Variants in DEPDC5 observed in about 807,000 individuals in gnomAD.
DEPDC5 encodes the protein GATOR1 complex protein DEPDC5.
Under a neutral mutation model 217.3 loss-of-function variants are expected in DEPDC5, and 73 were observed. The observed-to-expected ratio is 0.34, with a 90% CI of 0.28 to 0.41. DEPDC5 has a LOEUF of 0.41. Among genes scored for constraint, DEPDC5 ranks in the 10% least tolerant of loss-of-function variants. The pLI is 1.00. For missense variants in DEPDC5, 1,675 were observed against 2,070.1 expected (o/e 0.81, Z 3.70); for synonymous variants, 733 against 756.7 (o/e 0.97, Z 0.51).
intron 18 of DEPDC5, among the ~76,000 whole-genome samples, chr22:31,808,205 C>T (rs552633511): frequency 1.3e-5 from 2 of 151,516 alleles, no homozygotes; most frequent in Non-Finnish European, 2.9e-5. Flanking sequence ...AATCAGTTTT[C>T]GTGCCCCAGC....
intron 8 of DEPDC5, among the ~76,000 whole-genome samples, chr22:31,781,070 A>G (rs993574622): frequency 1.3e-5 from 2 of 151,704 alleles, no homozygotes; most frequent in African/African-American, 4.8e-5. Context: ...TACAAAATTA[A>G]CTGGGCTTGG....
chr22:31,772,017 T>C (rs968696995), intron 7 of DEPDC5, among the ~76,000 whole-genome samples: 3 of 151,938 alleles, frequency 2.0e-5, no homozygotes, highest in Admixed American at 2.0e-4. Context: ...TAGTGAGCCT[T>C]GATCATTCTG....
intron 16 of DEPDC5, 106 bp downstream of exon 16, chr22:31,804,329 G>T (rs2087234196): frequency 9.2e-7 from 1 of 1,084,564 alleles, no homozygotes; most frequent in Admixed American, 2.0e-5. Context: ...TTACTCGAGA[G>T]GCTGAAGTGG....
chr22:31,786,593 C>T (rs1438999544), intron 10 of DEPDC5, among the ~76,000 whole-genome samples: 2 of 151,506 alleles, frequency 1.3e-5, no homozygotes, highest in Non-Finnish European at 2.9e-5. Context: ...GTTCAAACAA[C>T]CTAAAAAAAA....
intron 3 of DEPDC5, among the ~76,000 whole-genome samples, chr22:31,759,292 T>G (rs1331065184): frequency 6.6e-6 from 1 of 152,000 alleles, no homozygotes; most frequent in Non-Finnish European, 1.5e-5. Context: ...TTGTCTCAAG[T>G]CATCCATCCT....
intron 34 of DEPDC5, among the ~76,000 whole-genome samples, 174 bp downstream of exon 34, chr22:31,870,918 T>C (rs1010197638): frequency 2.0e-5 from 3 of 152,226 alleles, no homozygotes; most frequent in African/African-American, 7.2e-5. Context: ...ACTAATGATC[T>C]GTTTCCTGCC....
chr22:31,829,950 T>C (rs2090463631), intron 24 of DEPDC5, among the ~76,000 whole-genome samples: 1 of 152,254 alleles, frequency 6.6e-6, no homozygotes, highest in Non-Finnish European at 1.5e-5. Context: ...GTTTTCTTTC[T>C]CTTTAGTGTT....
intron 6 of DEPDC5, 105 bp downstream of exon 6, chr22:31,766,773 C>G: frequency 1.1e-6 from 1 of 921,452 alleles, no homozygotes; most frequent in South Asian, 1.5e-5. Context: ...TTTATATCAG[C>G]ATCTACAGAC....
intron 5 of DEPDC5, among the ~76,000 whole-genome samples, chr22:31,766,321 G>A (rs563534443): frequency 7.0e-4 from 106 of 152,222 alleles, no homozygotes; most frequent in Non-Finnish European, 1.2e-3. Flanking sequence ...CCAGAATCCA[G>A]ACTAAAATAC....
At chr22:31,835,706 A>G (rs192840241) in intron 25 of DEPDC5, among the ~76,000 whole-genome samples, 1 of 152,340 alleles carries the variant, frequency 6.6e-6, no homozygotes, top group African/African-American at 2.4e-5. Flanking sequence ...CGGCTGCCAT[A>G]TAGAAAAATG....
chr22:31,843,877 A>C, intron 29 of DEPDC5, 65 bp downstream of exon 29: 1 of 1,474,542 alleles, frequency 6.8e-7, no homozygotes, highest in Non-Finnish European at 9.2e-7. Context: ...TGTGTATTTT[A>C]ACACTTTCTG....
chr22:31,825,623 T>C (rs921616341), intron 24 of DEPDC5, among the ~76,000 whole-genome samples: 5 of 152,190 alleles, frequency 3.3e-5, no homozygotes, highest in Admixed American at 6.5e-5. Context: ...CCGTTCTCAC[T>C]GCATTGTTCA....
At chr22:31,808,645 A>T (rs1449726398) in intron 18 of DEPDC5, among the ~76,000 whole-genome samples, 3 of 151,648 alleles carry the variant, frequency 2.0e-5, no homozygotes, top group Non-Finnish European at 4.4e-5. Flanking sequence ...CATGTTGGCC[A>T]GGCTGGTCTT....
chr22:31,779,903 G>A (rs927387964), intron 8 of DEPDC5, among the ~76,000 whole-genome samples: 10 of 152,080 alleles, frequency 6.6e-5, no homozygotes, highest in Non-Finnish European at 1.3e-4. Context: ...AGACAAGAGA[G>A]GTGTACCTTC....
chr22:31,848,265 G>T (rs1422136089), intron 31 of DEPDC5, among the ~76,000 whole-genome samples: 1 of 152,172 alleles, frequency 6.6e-6, no homozygotes, highest in African/African-American at 2.4e-5. Context: ...CCATTCTGGG[G>T]TCTGGTGGAT....
chr22:31,796,908 G>T (rs1228963075), intron 12 of DEPDC5, among the ~76,000 whole-genome samples: 1 of 151,852 alleles, frequency 6.6e-6, no homozygotes, highest in Non-Finnish European at 1.5e-5. Flanking sequence ...TGTTGGCCAG[G>T]CTGGTCTTGA....
intron 33 of DEPDC5, among the ~76,000 whole-genome samples, chr22:31,867,308 A>G (rs768032620): frequency 6.6e-6 from 1 of 152,224 alleles, no homozygotes; most frequent in Non-Finnish European, 1.5e-5. Flanking sequence ...ATAAGACAGG[A>G]TGTAATATAA....
intron 21 of DEPDC5, chr22:31,815,969 A>G (rs1280501135): frequency 2.0e-6 from 2 of 990,360 alleles, no homozygotes; most frequent in African/African-American, 3.5e-5. Flanking sequence ...TTTGTGCCAT[A>G]TATAAAACAA....
chr22:31,795,165 A>G lies in DEPDC5; in HGVS notation c.767+2348A>G, dbSNP rs541643974. Among the ~76,000 whole-genome samples, 9 of 142,288 alleles carry G rather than the reference A, an allele frequency of 6.3e-5. No homozygotes were observed. In the East Asian group the frequency reaches 1.9e-3, roughly 30 times the overall value. The allele number at this position is 142,288 out of a possible 152,430, so 93.3% of individuals were successfully genotyped here. On this transcript the variant is annotated intron_variant, in intron 12 of 42. Coordinates refer to ENST00000651528, the MANE Select transcript of DEPDC5 (RefSeq NM_001242896.3). ...AGCTCACTGCAACTTCCGCCTCCCTAGTACAAGCAATTCCCTGCCTCAGCC... is the reference window on the plus strand; with the variant it reads ...AGCTCACTGCAACTTCCGCCTCCCTGGTACAAGCAATTCCCTGCCTCAGCC...
Sources: gnomAD v4.1 joint callset for allele counts (sites outside exome capture counted in the v4.1 genomes callset) on GRCh38, gnomAD v4.1.1 for gene constraint, MANE v1.5 for transcripts, NCBI Gene and HGNC (gene_info 2026-07-23, HGNC 2026-07-21) for gene names.